SMYD2: variants seen among roughly 807,000 people sequenced by gnomAD.
The protein encoded by SMYD2 is SET and MYND domain containing 2, also known as N-lysine methyltransferase SMYD2.
In SMYD2, 53 loss-of-function variants were observed where a neutral mutation model predicts 59.1. The observed-to-expected ratio is 0.90, with a 90% confidence interval of 0.72 to 1.13. The LOEUF (loss-of-function observed/expected upper bound fraction) is 1.13. Ranked by LOEUF, SMYD2 falls within the 50% of genes most tolerant of loss-of-function variation. The pLI is 0.00. For missense variants in SMYD2, 494 were observed against 544.7 expected (o/e 0.91, Z 0.93); for synonymous variants, 208 against 198.8 (o/e 1.05, Z -0.39).
chr1:214,291,730 C>G (rs912776955), intron 1 of SMYD2, among the ~76,000 whole-genome samples: 4 of 152,178 alleles, frequency 2.6e-5, no homozygotes, highest in African/African-American at 9.7e-5. Context: ...CCTACAACTA[C>G]AACACCCTGT....
chr1:214,294,875 G>T (rs1334445488), intron 1 of SMYD2, among the ~76,000 whole-genome samples: 1 of 152,148 alleles, frequency 6.6e-6, no homozygotes, highest in Non-Finnish European at 1.5e-5. Flanking sequence ...ACTGTTAGGA[G>T]TATTTTAAGT....
rs1458008106 is a variant in SMYD2, at chr1:214,312,582, G to C, written c.238-2180G>C. On this transcript the variant is annotated intron_variant, in intron 2 of 11. Coordinates refer to ENST00000366957, the MANE Select transcript of SMYD2 (RefSeq NM_020197.3). The surrounding 1 kb of genome is among the most constrained non-coding windows in gnomAD (Gnocchi z 4.1). ...TGACATTCCAGCAGCGGCTGGAGAG[G>C]AGGGAGGGAGTCACATGGATATCCA... 6.6e-6 allele frequency among the ~76,000 whole-genome samples: 1 copy of C among 152,186 alleles called. No homozygotes were observed. The highest frequency in any genetic ancestry group is 2.1e-4 in the South Asian group (1 of 4,830).
intron 5 of SMYD2, 125 bp from the exon 6 acceptor site, chr1:214,324,516 G>A: frequency 1.3e-6 from 1 of 781,064 alleles, no homozygotes; most frequent in Non-Finnish European, 2.1e-6. Context: ...GCAAAAGAAA[G>A]GGTTTAAAAC....
At chr1:214,306,160 A>G (rs1241297970) in intron 2 of SMYD2, among the ~76,000 whole-genome samples, 1 of 151,810 alleles carries the variant, frequency 6.6e-6, no homozygotes, top group Non-Finnish European at 1.5e-5. Context: ...GACAGGGAAG[A>G]TTTTCTCTAT....
intron 2 of SMYD2, among the ~76,000 whole-genome samples, chr1:214,306,567 T>C (rs557204386): frequency 6.6e-6 from 1 of 152,260 alleles, no homozygotes; most frequent in South Asian, 2.1e-4. Flanking sequence ...GTAGTTGAGT[T>C]TTCGGGGAGG....
intron 1 of SMYD2, among the ~76,000 whole-genome samples, chr1:214,302,338 CA>C (rs35149670): frequency 1.7e-3 from 239 of 138,506 alleles, no homozygotes; most frequent in Admixed American, 5.1e-3. Flanking sequence ...GACTCCGTTT[CA>C]AAAAAAAAAA....
intron 9 of SMYD2, chr1:214,331,697 G>T (rs1657355736): frequency 4.0e-6 from 1 of 249,020 alleles, no homozygotes; most frequent in Non-Finnish European, 7.7e-6. Context: ...GCCACAGTGG[G>T]AGTCGTGCTC....
At chr1:214,285,009 G>C (rs1323320524) in intron 1 of SMYD2, among the ~76,000 whole-genome samples, 2 of 152,196 alleles carry the variant, frequency 1.3e-5, no homozygotes, top group South Asian at 4.2e-4. Context: ...ACATTTCTTT[G>C]TTTGTTCTGA....
At chr1:214,285,639 T>C (rs1656526010) in intron 1 of SMYD2, among the ~76,000 whole-genome samples, 1 of 152,244 alleles carries the variant, frequency 6.6e-6, no homozygotes, top group African/African-American at 2.4e-5. Context: ...GCTATCTGTA[T>C]GTTAGGTAAG....
At position 214,300,924 on chromosome 1, in the gene SMYD2, C is replaced by T. The variant is rs547506204; in HGVS notation, c.174-4263C>T. ...TGTACTCTTAAAAATTATTGAGAACCGCAGAGAGCTTTTGTTTATATGAGT... is the reference window on the plus strand; with the variant it reads ...TGTACTCTTAAAAATTATTGAGAACTGCAGAGAGCTTTTGTTTATATGAGT... On this transcript the variant is annotated intron_variant, in intron 1 of 11. Coordinates refer to ENST00000366957, the MANE Select transcript of SMYD2 (RefSeq NM_020197.3). Among the ~76,000 whole-genome samples, 9 of 152,236 alleles carry T rather than the reference C, an allele frequency of 5.9e-5. No individual in the cohort carries two copies. The Middle Eastern group carries it at 0.014, about 230-fold the overall frequency.
At chr1:214,336,327 T>G (rs887400385) in intron 11 of SMYD2, among the ~76,000 whole-genome samples, 3 of 152,058 alleles carry the variant, frequency 2.0e-5, no homozygotes, top group Non-Finnish European at 4.4e-5. Context: ...GGTCAGGAGA[T>G]CGAGACCATC....
At chr1:214,296,933 T>C (rs1656738898) in intron 1 of SMYD2, among the ~76,000 whole-genome samples, 1 of 152,212 alleles carries the variant, frequency 6.6e-6, no homozygotes, top group African/African-American at 2.4e-5. Flanking sequence ...AAAGACAGGG[T>C]CAGCTACTTT....
At chr1:214,295,511 C>G (rs890622894) in intron 1 of SMYD2, among the ~76,000 whole-genome samples, 2 of 152,222 alleles carry the variant, frequency 1.3e-5, no homozygotes, top group Non-Finnish European at 2.9e-5. Flanking sequence ...CCAAGCCCAG[C>G]TTCCTCCTTG....
At chr1:214,301,797 T>C (rs1476959081) in intron 1 of SMYD2, among the ~76,000 whole-genome samples, 1 of 144,406 alleles carries the variant, frequency 6.9e-6, no homozygotes, top group Non-Finnish European at 1.5e-5. Flanking sequence ...AGCCAGGAAT[T>C]TTTCCAAGAA....
At position 214,295,265 on chromosome 1, in the gene SMYD2, A is replaced by T. The variant is rs889861632; in HGVS notation, c.174-9922A>T. Among the ~76,000 whole-genome samples, 5 of 152,330 alleles carry T rather than the reference A, an allele frequency of 3.3e-5. No homozygotes were observed. The East Asian group carries it at 7.7e-4, about 24-fold the overall frequency. ...TACATTCATTCTTTGGACGAGCTTT[A>T]ACTGTTAGAGATTGTGCAGGGCCTA... is the stretch of plus-strand genomic sequence containing the variant. On this transcript the variant is annotated intron_variant, in intron 1 of 11. Coordinates refer to ENST00000366957, the MANE Select transcript of SMYD2 (RefSeq NM_020197.3).
intron 2 of SMYD2, among the ~76,000 whole-genome samples, chr1:214,310,487 T>C (rs1656981843): frequency 6.6e-6 from 1 of 150,402 alleles, no homozygotes; most frequent in African/African-American, 2.5e-5. Flanking sequence ...TCTGTGCTTA[T>C]ATGTGTATTT....
At chr1:214,328,407 GT>G (rs1298768790) in intron 7 of SMYD2, among the ~76,000 whole-genome samples, 1 of 152,158 alleles carries the variant, frequency 6.6e-6, no homozygotes, top group South Asian at 2.1e-4. Flanking sequence ...GAGAGAACCA[GT>G]CTTCCCATCA....
In SMYD2 at chr1:214,281,304, A is replaced by C; in HGVS notation, c.50A>C (p.Lys17Thr). ...GGLERFCSPG[K>T]GRGLRALQPF... ...CTGGAGCGCTTCTGCAGCCCGGGCA[A>C]AGGCCGGGGGCTGCGGGCTCTGCAG... The change falls in exon 1 of 12, where the codon AAA (lysine) becomes ACA (threonine). Residue 17 changes from lysine (K) to threonine (T), a missense_variant. Transcript: ENST00000366957. 7.3e-7 allele frequency: 1 copy of C among 1,368,654 alleles called. No homozygotes were observed. Among genetic ancestry groups the C allele is most frequent in the Non-Finnish European group, 9.5e-7 (1 of 1,051,212 alleles). 84.8% of individuals were successfully genotyped at this position (1,368,654 alleles called of 1,614,324 possible).
intron 7 of SMYD2, among the ~76,000 whole-genome samples, chr1:214,329,525 A>G (rs1428014420): frequency 6.6e-6 from 1 of 152,346 alleles, no homozygotes; most frequent in East Asian, 1.9e-4. Context: ...GTGGAGCCCC[A>G]TGAACCAAAG....
Sources: allele counts gnomAD v4.1 joint callset (sites outside exome capture counted in the v4.1 genomes callset), GRCh38; gene constraint gnomAD v4.1.1; non-coding constraint Gnocchi (gnomAD v3.1); transcripts MANE v1.5; gene names NCBI Gene and HGNC (gene_info 2026-07-23, HGNC 2026-07-21).